Variants in OR51B5 observed in about 807,000 individuals in gnomAD.
OR51B5 encodes the protein olfactory receptor family 51 subfamily B member 5.
For synonymous variants in OR51B5, 186 were observed against 144.8 expected (o/e 1.28, Z -2.04); for missense variants, 456 against 374.6 (o/e 1.22, Z -1.79).
At chr11:5,399,907 G>A (rs918878782) in intron 1 of OR51B5, among the ~76,000 whole-genome samples, 1 of 152,128 alleles carries the variant, frequency 6.6e-6, no homozygotes, top group African/African-American at 2.4e-5. Flanking sequence ...TATTTGAGGT[G>A]TGGCAGGCAA....
intron 1 of OR51B5, among the ~76,000 whole-genome samples, chr11:5,350,758 T>G (rs554629484): frequency 6.6e-6 from 1 of 152,146 alleles, no homozygotes; most frequent in Non-Finnish European, 1.5e-5. Context: ...TTATGAAAAT[T>G]TGAATTCTTT....
At chr11:5,341,172 A>T (rs1848886673), downstream of OR51B5, 1 of 152,172 alleles carries the variant, frequency 6.6e-6, no homozygotes, top group African/African-American at 2.4e-5. Context: ...GCAATTTATT[A>T]ATGAATGCTC....
chr11:5,346,060 C>G (rs551585429), upstream of OR51B5, among the ~76,000 whole-genome samples: 5 of 152,172 alleles, frequency 3.3e-5, no homozygotes, highest in Non-Finnish European at 7.4e-5. Flanking sequence ...GACGTTTCAG[C>G]AATAATCTCC....
chr11:5,415,564 A>G (rs1850229802), intron 1 of OR51B5, among the ~76,000 whole-genome samples: 2 of 152,182 alleles, frequency 1.3e-5, no homozygotes, highest in African/African-American at 4.8e-5. Context: ...GAAGAATCAA[A>G]TAGATGCAAT....
chr11:5,485,044 A>T (rs953787155), intron 1 of OR51B5, among the ~76,000 whole-genome samples: 9 of 152,178 alleles, frequency 5.9e-5, no homozygotes, highest in African/African-American at 2.2e-4. Context: ...TCATCTACAT[A>T]ACCTGCAAAG....
chr11:5,496,315 T>C (rs1260912519), intron 1 of OR51B5, among the ~76,000 whole-genome samples: 1 of 924 alleles, frequency 1.1e-3, no homozygotes, highest in Non-Finnish European at 3.0e-3. Flanking sequence ...CTCTTATGCA[T>C]TTCTGAGTGT....
At chr11:5,369,508 T>C (rs1022386008) in intron 1 of OR51B5, among the ~76,000 whole-genome samples, 2 of 152,174 alleles carry the variant, frequency 1.3e-5, no homozygotes, top group African/African-American at 4.8e-5. Context: ...TAAAAAAGTA[T>C]ACAACTAGTA....
chr11:5,411,835 G>C (rs1174457484), intron 1 of OR51B5, among the ~76,000 whole-genome samples: 2 of 152,164 alleles, frequency 1.3e-5, no homozygotes, highest in African/African-American at 4.8e-5. Context: ...GCCTGAAGTT[G>C]CTGGCTTTGT....
rs376367006 is a variant in OR51B5 at position 5,492,943 on chromosome 11, T to A, written n.84+12626A>T. 2.8e-4 allele frequency among the ~76,000 whole-genome samples: 43 copies of A among 152,250 alleles called. No homozygotes were observed. The East Asian group carries it at 5.6e-3, about 20-fold the overall frequency. ...AGCCACCACACCCAGCCAGACTCTC[T>A]TTGTTATTTGCTTTAAACAGCAACA... On this transcript the variant is annotated intron_variant and non_coding_transcript_variant, in intron 1 of 4. Transcript: ENST00000415970.
Position 5,490,722 on chromosome 11 carries a change from G to C in OR51B5, n.84+14847C>G, listed in dbSNP as rs117464391. 6.5e-4 allele frequency among the ~76,000 whole-genome samples: 99 copies of C among 152,296 alleles called. 2 individuals carry two copies. The East Asian group carries it at 0.017, about 27-fold the overall frequency. ...TTGACAATATCTCATACACTGTCCA[G>C]TATTTTATTATGGGAAGATTATGAG... On this transcript the variant is annotated intron_variant and non_coding_transcript_variant, in intron 1 of 4. Transcript: ENST00000415970.
intron 1 of OR51B5, among the ~76,000 whole-genome samples, chr11:5,490,152 C>G (rs1851561230): frequency 1.3e-5 from 2 of 152,166 alleles, no homozygotes; most frequent in African/African-American, 4.8e-5. Flanking sequence ...TGAAATGTTT[C>G]TGTGCCTCAG....
At chr11:5,345,950 T>C (rs10837867), upstream of OR51B5, 45,238 of 152,044 alleles carry the variant, frequency 0.3, 7,440 homozygotes, top group Non-Finnish European at 0.38. Context: ...CAATGAGTGA[T>C]GTATATTCTT....
chr11:5,439,180 C>A (rs1418262986), intron 1 of OR51B5, among the ~76,000 whole-genome samples: 2 of 151,888 alleles, frequency 1.3e-5, no homozygotes, highest in Non-Finnish European at 2.9e-5. Flanking sequence ...TTTTCAATGT[C>A]AAGTAGTTTG....
chr11:5,450,162 T>G (rs6578644), intron 1 of OR51B5, among the ~76,000 whole-genome samples: 16,608 of 151,868 alleles, frequency 0.11, 2,802 homozygotes, highest in African/African-American at 0.36. Flanking sequence ...GCTGAGGTGG[T>G]CAGATCACCT....
At chr11:5,477,147 T>G (rs1192836683) in intron 1 of OR51B5, among the ~76,000 whole-genome samples, 1 of 152,232 alleles carries the variant, frequency 6.6e-6, no homozygotes, top group Non-Finnish European at 1.5e-5. Flanking sequence ...GATGGTTTCA[T>G]GGCTGTATAC....
At chr11:5,470,320 A>G (rs1340129818) in intron 1 of OR51B5, among the ~76,000 whole-genome samples, 1 of 152,186 alleles carries the variant, frequency 6.6e-6, no homozygotes, top group Admixed American at 6.5e-5. Flanking sequence ...CCGAGGATCA[A>G]TTTTGGGAGT....
At chr11:5,466,260 A>C (rs1323772873) in intron 1 of OR51B5, among the ~76,000 whole-genome samples, 1 of 152,230 alleles carries the variant, frequency 6.6e-6, no homozygotes, top group Non-Finnish European at 1.5e-5. Context: ...TCTGTTAATT[A>C]GGGAATTAGG....
intron 1 of OR51B5, among the ~76,000 whole-genome samples, chr11:5,448,151 C>T (rs1030349872): frequency 4.6e-5 from 7 of 152,214 alleles, no homozygotes; most frequent in South Asian, 2.1e-4. Context: ...CTTGTGTGTT[C>T]GCCAATATTT....
upstream of OR51B5, among the ~76,000 whole-genome samples, chr11:5,344,855 A>C (rs1848965709): frequency 1.3e-5 from 2 of 152,184 alleles, no homozygotes; most frequent in Admixed American, 6.5e-5. Flanking sequence ...ATAAAACAGT[A>C]CTACTTGATG....
Sources: allele counts gnomAD v4.1 joint callset (sites outside exome capture counted in the v4.1 genomes callset), GRCh38; gene constraint gnomAD v4.1.1; transcripts MANE v1.5; gene names NCBI Gene and HGNC (gene_info 2026-07-23, HGNC 2026-07-21).